The following METTL3 variants were observed in gnomAD, a reference collection of about 807,000 sequenced individuals.
METTL3 encodes the protein N(6)-adenosine-methyltransferase catalytic subunit METTL3.
METTL3 carries 42 observed loss-of-function variants against 64.3 expected under a neutral mutation model. The ratio of observed to expected loss-of-function variants is 0.65; its 90% CI spans 0.51 to 0.84. The LOEUF is 0.84. Ranked by LOEUF, METTL3 falls within the 40% of genes least tolerant of loss-of-function variation. The pLI, the probability that METTL3 is intolerant of heterozygous loss-of-function variation, is 0.00. For synonymous variants in METTL3, 256 were observed against 263.6 expected, an observed-to-expected ratio of 0.97 and a Z score of 0.28; for missense variants, 435 against 722.3, an observed-to-expected ratio of 0.60 and a Z score of 4.56.
At chr14:21,499,918 T>C in intron 6 of METTL3, 116 bp from the exon 7 acceptor site, 1 of 885,330 alleles carries the variant, frequency 1.1e-6, no homozygotes, top group Non-Finnish European at 1.8e-6. Flanking sequence ...AGTGAACATT[T>C]ACATGCACAC....
rs760321227 is a variant in METTL3, at chr14:21,511,168, C to CG, written c.55dup (p.Arg19ProfsTer30). The CG allele has an allele frequency of 6.8e-6, 11 of 1,614,102 alleles. No individual in the cohort carries two copies. The highest frequency in any genetic ancestry group is 4.0e-5 in the African/African-American group (3 of 75,028). On this transcript the variant is annotated frameshift_variant, in exon 1 of 11. Transcript: ENST00000298717. LOFTEE classifies it high-confidence loss of function. ...CTTCCGCCTCCGCTGCAGCCTCTCC[C>CG]GCAGAGAGTCCAGCTGCTTCTTGTG...
rs371038504 is a variant in METTL3 at position 21,511,284 on chromosome 14, C to G, written c.-61G>C. The G allele has an allele frequency of 1.3e-6, 2 of 1,569,462 alleles. No homozygotes were observed. The highest frequency in any genetic ancestry group is 2.7e-5 in the African/African-American group (2 of 73,518). On this transcript the variant is annotated 5_prime_UTR_variant, in exon 1 of 11. Transcript: ENST00000298717. Reference sequence around the variant, plus strand: ...CGCGGCGGACTAGCACCTCCCAGCACTCGCTCCAGGATATAGCCAATTCTC... The same window carrying G: ...CGCGGCGGACTAGCACCTCCCAGCAGTCGCTCCAGGATATAGCCAATTCTC...
Position 21,501,820 on chromosome 14 carries a change from C to T in METTL3, c.807G>A (p.Arg269=). 1 of 1,614,046 alleles carries T rather than the reference C, an allele frequency of 6.2e-7. No homozygotes were observed. Among genetic ancestry groups the T allele is most frequent in the Non-Finnish European group, 8.5e-7 (1 of 1,180,010 alleles). The change falls in exon 4 of 11, where the codon CGG becomes CGA. Residue 269 remains arginine, a synonymous_variant. Transcript: ENST00000298717. ...SIVEKFRSRG[R]AQVQEFCDYG... Reference sequence around the variant, plus strand: ...AGTCACAGAATTCTTGCACTTGGGCCCGACCTCGAGAGCGAAATTTTTCAA... The same window carrying T: ...AGTCACAGAATTCTTGCACTTGGGCTCGACCTCGAGAGCGAAATTTTTCAA...
At chr14:21,500,810 C>A in intron 5 of METTL3, 103 bp downstream of exon 5, 1 of 1,425,086 alleles carries the variant, frequency 7.0e-7, no homozygotes, top group East Asian at 2.4e-5. Context: ...TCCCAATAAG[C>A]AAGACAAGAT....
intron 3 of METTL3, chr14:21,502,906 T>C (rs1445609687): frequency 2.7e-6 from 1 of 369,184 alleles, no homozygotes; most frequent in East Asian, 4.1e-5. Flanking sequence ...GACAACTGTT[T>C]GTTGTGGGGG....
rs138282112 is a variant in METTL3 at position 21,501,514 on chromosome 14, G to A, written c.899+214C>T. ...ACTTTGCTATTCTAAGAGGGAGGGA[G>A]CTTTTAAAAAAAAAATCTCAGTTAT... is the stretch of plus-strand genomic sequence containing the variant. On this transcript the variant is annotated intron_variant, in intron 4 of 10. Transcript: ENST00000298717. 360 of 623,362 alleles carry A rather than the reference G, an allele frequency of 5.8e-4. 1 individual carries two copies. The African/African-American group carries it at 6.1e-3, about 11-fold the overall frequency. 38.6% of individuals were successfully genotyped at this position (623,362 alleles called of 1,614,324 possible).
chr14:21,503,220 C>CT lies in METTL3; in HGVS notation c.675dup (p.Glu226ArgfsTer10). On this transcript the variant is annotated frameshift_variant, in exon 3 of 11. Transcript: ENST00000298717. LOFTEE classifies it high-confidence loss of function. ...GTGGACTGTTGGTTCAGAAGGCTCT[C>CT]TATCTCCAGATCAACATCTGAGGCA... 6.2e-7 allele frequency: 1 copy of CT among 1,614,084 alleles called. No individual in the cohort carries two copies. The highest frequency in any genetic ancestry group is 1.3e-5 in the African/African-American group (1 of 75,056).
chr14:21,503,040 G>A, intron 3 of METTL3, 133 bp downstream of exon 3: 1 of 963,744 alleles, frequency 1.0e-6, no homozygotes, highest in Non-Finnish European at 1.6e-6. Context: ...GATCCCCTGG[G>A]AGTTGGGCAG....
chr14:21,509,985 T>A (rs1191758529), intron 1 of METTL3, among the ~76,000 whole-genome samples: 2 of 152,198 alleles, frequency 1.3e-5, no homozygotes, highest in African/African-American at 4.8e-5. Flanking sequence ...TATATAGCCA[T>A]AAAGGCCAAA....
In METTL3 at chr14:21,498,271, G is replaced by T. The variant is rs977389383; in HGVS notation, c.1730C>A (p.Pro577His). Residue 577 changes from proline to histidine, a missense_variant, in exon 11 of 11, where the codon CCT becomes CAT. By Grantham distance (77) the Pro-to-His change is moderately conservative. Coordinates refer to ENST00000298717, the MANE Select transcript of METTL3 (RefSeq NM_019852.5). ...QRYPDGIISK[P>H]KNL ...AAGGAAGTGCTTCTATAAATTCTTAGGTTTAGAGATGATACCATCTGGGTA... is the reference window on the plus strand; with the variant it reads ...AAGGAAGTGCTTCTATAAATTCTTATGTTTAGAGATGATACCATCTGGGTA... 2 of 1,587,798 alleles carry T rather than the reference G, an allele frequency of 1.3e-6. No homozygotes were observed. The highest frequency in any genetic ancestry group is 1.7e-6 in the Non-Finnish European group (2 of 1,156,034).
chr14:21,501,115 T>G lies in METTL3; in HGVS notation c.914A>C (p.Lys305Thr). Residue 305 changes from lysine to threonine, a missense_variant, in exon 5 of 11, where the codon AAA becomes ACA. Lys to Thr is a moderately conservative substitution (Grantham distance 78). Transcript: ENST00000298717. ...GTCACCTAAAGACTCATCAGTGTGT[T>G]TATTGATAATTCGTCTGGGAAAATA... ...RKLHFRRIIN[K>T]HTDESLGDCS... 6.2e-7 allele frequency: 1 copy of G among 1,612,352 alleles called. No homozygotes were observed. The highest frequency in any genetic ancestry group is 1.1e-5 in the South Asian group (1 of 90,950).
In METTL3 at chr14:21,503,826, C is replaced by T. The variant is rs1191466239; in HGVS notation, c.156G>A (p.Val52=). Reference sequence around the variant, plus strand: ...GGCCACCAGAGGTGGGTGCAGTAGGCACTGGGCTGTCACTACGGAAGGTTG... The same window carrying T: ...GGCCACCAGAGGTGGGTGCAGTAGGTACTGGGCTGTCACTACGGAAGGTTG... ...LSPTFRSDSP[V]PTAPTSGGPK... Residue 52 remains valine (V), a synonymous_variant, in exon 2 of 11, where the codon GTG becomes GTA. Transcript: ENST00000298717. The T allele has an allele frequency of 1.2e-6, 2 of 1,614,204 alleles. No individual in the cohort carries two copies. Among genetic ancestry groups the T allele is most frequent in the South Asian group, 2.2e-5 (2 of 91,090 alleles).
chr14:21,508,347 AAAAAT>A (rs1160712150), intron 1 of METTL3: 3 of 152,102 alleles, frequency 2.0e-5, no homozygotes, highest in Non-Finnish European at 4.4e-5. Context: ...CTAAAAAAGA[AAAAAT>A]AAATAAAAAT....
intron 6 of METTL3, 134 bp downstream of exon 6, chr14:21,500,361 C>CAA (rs3838362): frequency 3.4e-6 from 3 of 872,500 alleles, no homozygotes; most frequent in Non-Finnish European, 5.2e-6. Flanking sequence ...GAGACTCTCT[C>CAA]AAAAAAAAAG....
Position 21,499,577 on chromosome 14 carries a change from A to G in METTL3, c.1367T>C (p.Ile456Thr), listed in dbSNP as rs774309591. The change falls in exon 8 of 11, where the codon ATT becomes ACT. Residue 456 changes from isoleucine (I) to threonine (T), a missense_variant. Around this residue, in one of 9 missense-constraint regions of METTL3, gnomAD observed 36 missense variants for 73.0 expected, o/e 0.49. Transcript: ENST00000298717. ...TTGCAGTTGATTTGTCTTCACCCAAATAATTTCATCTACCCGTTCATACCT... is the reference window on the plus strand; with the variant it reads ...TTGCAGTTGATTTGTCTTCACCCAAGTAATTTCATCTACCCGTTCATACCT... ...LWGYERVDEI[I>T]WVKTNQLQRI... 1 of 1,614,198 alleles carries G rather than the reference A, an allele frequency of 6.2e-7. No homozygotes were observed. The highest frequency in any genetic ancestry group is 8.5e-7 in the Non-Finnish European group (1 of 1,180,008).
intron 1 of METTL3, chr14:21,508,286 G>C (rs1018576049): frequency 1.3e-5 from 2 of 151,890 alleles, no homozygotes; most frequent in Non-Finnish European, 2.9e-5. Flanking sequence ...ACACAGAAAA[G>C]GGTCTTAGCT....
At chr14:21,499,435 A>T in intron 8 of METTL3, 57 bp downstream of exon 8, 1 of 1,610,718 alleles carries the variant, frequency 6.2e-7, no homozygotes, top group South Asian at 1.1e-5. Flanking sequence ...CTCAGTAAGA[A>T]ATCAAATGAT....
rs1891819017 is a variant in METTL3, at chr14:21,510,916, G to A, written c.100+208C>T. ...AGCGTCCGTCCGGTAAAAGTGAGCT[G>A]GAAGAACCGAGGCCCAGCGTGAGGA... is the stretch of plus-strand genomic sequence containing the variant. On this transcript the variant is annotated intron_variant, in intron 1 of 10. Coordinates refer to ENST00000298717, the MANE Select transcript of METTL3 (RefSeq NM_019852.5). The A allele has an allele frequency of 5.4e-6, 3 of 555,914 alleles. No homozygotes were observed. In the East Asian group the frequency reaches 1.0e-4, roughly 19 times the overall value. The allele number at this position is 555,914 out of a possible 1,614,324, so 34.4% of individuals were successfully genotyped here.
At chr14:21,511,102 C>A in intron 1 of METTL3, 22 bp downstream of exon 1, 1 of 1,611,882 alleles carries the variant, frequency 6.2e-7, no homozygotes, top group Non-Finnish European at 8.5e-7. Context: ...TGAGCCTCGG[C>A]CCCAACAGCC....
Sources: gnomAD v4.1 joint callset for allele counts (sites outside exome capture counted in the v4.1 genomes callset) on GRCh38, gnomAD v4.1.1 for gene constraint, gnomAD v4.1.1 regional missense constraint, MANE v1.5 for transcripts, NCBI Gene and HGNC (gene_info 2026-07-23, HGNC 2026-07-21) for gene names.